Variants in KIAA1217 observed in about 807,000 individuals in gnomAD.
KIAA1217 encodes the protein KIAA1217, also known as sickle tail protein homolog.
Under a neutral mutation model 163.9 loss-of-function variants are expected in KIAA1217, and 88 were observed. The ratio of observed to expected loss-of-function variants is 0.54; its 90% CI spans 0.45 to 0.64. KIAA1217 has a LOEUF of 0.64. Ranked by LOEUF, KIAA1217 falls within the 30% of genes least tolerant of loss-of-function variation. The pLI is 0.00. For synonymous variants in KIAA1217, 903 were observed against 923.1 expected (o/e 0.98, Z 0.39); for missense variants, 2,372 against 2,475.0 (o/e 0.96, Z 0.88).
At chr10:23,765,455 G>A (rs1414510701) in intron 1 of KIAA1217, among the ~76,000 whole-genome samples, 3 of 152,022 alleles carry the variant, frequency 2.0e-5, no homozygotes, top group Non-Finnish European at 4.4e-5. Context: ...TTACAGGTGT[G>A]AGCCACCACG....
intron 1 of KIAA1217, among the ~76,000 whole-genome samples, chr10:23,846,718 CG>C (rs1261774455): frequency 6.6e-6 from 1 of 152,102 alleles, no homozygotes; most frequent in Non-Finnish European, 1.5e-5. Flanking sequence ...TATTTGAATA[CG>C]CTTTATTTCT....
chr10:23,864,350 TG>T, intron 1 of KIAA1217, among the ~76,000 whole-genome samples: 1 of 152,246 alleles, frequency 6.6e-6, no homozygotes. Flanking sequence ...TTCCTTAGCC[TG>T]GTATGAAAGA....
intron 1 of KIAA1217, among the ~76,000 whole-genome samples, chr10:23,850,072 G>C (rs1839236142): frequency 1.3e-5 from 2 of 152,022 alleles, no homozygotes; most frequent in Non-Finnish European, 2.9e-5. Context: ...AAATAAGGTG[G>C]ACCAAATTCT....
At chr10:24,221,217 T>C (rs1273743907) in intron 2 of KIAA1217, among the ~76,000 whole-genome samples, 1 of 152,190 alleles carries the variant, frequency 6.6e-6, no homozygotes, top group Non-Finnish European at 1.5e-5. Flanking sequence ...CTGTGTGCAA[T>C]TACTTTTAGC....
chr10:23,948,661 T>C (rs1481057855), intron 1 of KIAA1217, among the ~76,000 whole-genome samples: 1 of 152,292 alleles, frequency 6.6e-6, no homozygotes, highest in Non-Finnish European at 1.5e-5. Flanking sequence ...GCAAGGTTTT[T>C]AGTTTTGTTT....
At chr10:24,030,230 G>GTT (rs1848135988) in intron 2 of KIAA1217, among the ~76,000 whole-genome samples, 1 of 152,048 alleles carries the variant, frequency 6.6e-6, no homozygotes, top group East Asian at 1.9e-4. Context: ...CATTGATATA[G>GTT]TTTCGCTCTG....
At chr10:24,086,034 C>G (rs2061688822) in intron 2 of KIAA1217, among the ~76,000 whole-genome samples, 1 of 152,034 alleles carries the variant, frequency 6.6e-6, no homozygotes, top group African/African-American at 2.4e-5. Flanking sequence ...CCTCCCTGCC[C>G]CACTACACAC....
chr10:24,046,812 G>A (rs751008600), intron 2 of KIAA1217, among the ~76,000 whole-genome samples: 19 of 152,106 alleles, frequency 1.2e-4, no homozygotes, highest in Admixed American at 6.5e-4. Flanking sequence ...AAGTAGAGCC[G>A]GAATTCTAAT....
At chr10:24,527,279 A>G (rs969522789) in intron 13 of KIAA1217, among the ~76,000 whole-genome samples, 3 of 151,000 alleles carry the variant, frequency 2.0e-5, no homozygotes, top group Non-Finnish European at 4.4e-5. Flanking sequence ...TTGCTTGGAC[A>G]TCTCTTCTAC....
intron 2 of KIAA1217, among the ~76,000 whole-genome samples, chr10:24,321,663 C>T (rs2044176947): frequency 1.3e-5 from 2 of 152,134 alleles, no homozygotes; most frequent in African/African-American, 4.8e-5. Flanking sequence ...CTAAGCCAGT[C>T]ACCAAAAAGA....
rs945646135 is a variant in KIAA1217 at position 24,013,820 on chromosome 10, A to G, written c.-171+6446A>G. On this transcript the variant is annotated intron_variant, in intron 2 of 18. Coordinates refer to the KIAA1217 transcript ENST00000376462. ...GCCATGCGCTATGGGGAGTGCCGCC[A>G]TGAGGGGAGGGAAGGAGAGATATGG... Among the ~76,000 whole-genome samples the G allele has an allele frequency of 4.3e-4, 66 of 152,178 alleles. 1 individual carries two copies. The highest frequency in any genetic ancestry group is 1.5e-3 in the African/African-American group (62 of 41,558).
intron 5 of KIAA1217, among the ~76,000 whole-genome samples, chr10:24,464,190 G>A (rs748680217): frequency 3.9e-5 from 6 of 152,282 alleles, no homozygotes; most frequent in East Asian, 3.9e-4. Flanking sequence ...TGAGCTTGGC[G>A]CTTGCTAAAG....
chr10:23,702,340 CATT>C (rs542184415), intron 1 of KIAA1217, among the ~76,000 whole-genome samples: 63 of 152,184 alleles, frequency 4.1e-4, no homozygotes, highest in African/African-American at 1.3e-3. Flanking sequence ...AAGGGGTACA[CATT>C]ATTTTTTCTT....
chr10:24,209,672 A>C (rs1278949965), intron 1 of KIAA1217, among the ~76,000 whole-genome samples: 1 of 152,216 alleles, frequency 6.6e-6, no homozygotes, highest in Non-Finnish European at 1.5e-5. Context: ...GGGGGATTCC[A>C]TGTGGCAGAT....
At position 24,177,081 on chromosome 10, in the gene KIAA1217, C is replaced by T. The variant is rs528243596; in HGVS notation, c.-170-42545C>T. Among the ~76,000 whole-genome samples, 4 of 151,576 alleles carry T rather than the reference C, an allele frequency of 2.6e-5. No individual in the cohort carries two copies. The South Asian group carries it at 8.4e-4, about 32-fold the overall frequency. ...CCCCGATTCCCGCCCGTGCCTCTCC[C>T]TCCACACCTCCCCACAAGCACAGGG... On this transcript the variant is annotated intron_variant, in intron 2 of 18. Transcript: ENST00000376462.
intron 1 of KIAA1217, among the ~76,000 whole-genome samples, chr10:24,003,501 T>C (rs1221510901): frequency 6.6e-6 from 1 of 152,180 alleles, no homozygotes; most frequent in Non-Finnish European, 1.5e-5. Flanking sequence ...AGTATTTCTT[T>C]AACTCTGAAT....
At chr10:24,372,937 A>G (rs1462083662) in intron 2 of KIAA1217, among the ~76,000 whole-genome samples, 8 of 152,318 alleles carry the variant, frequency 5.3e-5, no homozygotes, top group Non-Finnish European at 7.3e-5. Flanking sequence ...CCCAAATCAA[A>G]CCAATCTATC....
At chr10:24,286,097 C>T (rs748321992) in intron 2 of KIAA1217, among the ~76,000 whole-genome samples, 1 of 152,056 alleles carries the variant, frequency 6.6e-6, no homozygotes, top group Non-Finnish European at 1.5e-5. Context: ...TTTATCAGGT[C>T]TAGGAGCCTT....
intron 3 of KIAA1217, among the ~76,000 whole-genome samples, chr10:24,423,891 C>G (rs1321090345): frequency 2.0e-5 from 3 of 152,184 alleles, no homozygotes; most frequent in Admixed American, 1.3e-4. Context: ...TGGAATTTCT[C>G]AGTCCTTCAT....
Sources: allele counts gnomAD v4.1 joint callset (sites outside exome capture counted in the v4.1 genomes callset), GRCh38; gene constraint gnomAD v4.1.1; transcripts MANE v1.5; gene names NCBI Gene and HGNC (gene_info 2026-07-23, HGNC 2026-07-21).